Variants in ABCA9 observed in about 807,000 individuals in gnomAD.
ABCA9 encodes the protein ATP-binding cassette sub-family A member 9.
Under a neutral mutation model 205.3 loss-of-function variants are expected in ABCA9, and 183 were observed. That is an observed-to-expected ratio of 0.89 (90% CI 0.79 to 1.01). The LOEUF (loss-of-function observed/expected upper bound fraction) is 1.01. Ranked by LOEUF, ABCA9 falls within the 50% of genes least tolerant of loss-of-function variation. The pLI is 0.00. For missense variants in ABCA9, 1,805 were observed against 1,912.4 expected (o/e 0.94, Z 1.05); for synonymous variants, 651 against 683.3 (o/e 0.95, Z 0.74).
At chr17:69,070,673 G>A in the ABCA9 span, among the ~76,000 whole-genome samples, 1 of 152,160 alleles carries the variant, frequency 6.6e-6, no homozygotes, top group African/African-American at 2.4e-5. Context: ...GGCCATTTGG[G>A]CAGACACCGA....
chr17:68,993,057 C>A lies in ABCA9; in HGVS notation c.3583G>T (p.Gly1195Ter). The A allele has an allele frequency of 6.2e-7, 1 of 1,613,710 alleles. No homozygotes were observed. Among genetic ancestry groups the A allele is most frequent in the Non-Finnish European group, 8.5e-7 (1 of 1,179,796 alleles). ...EISPDSMDYL[G>*]ASESEIVYLA... Reference sequence around the variant, plus strand: ...TATACAATTTCAGATTCTGAAGCTCCTAAGTAATCCATGGAATCAGGAGAA... The same window carrying A: ...TATACAATTTCAGATTCTGAAGCTCATAAGTAATCCATGGAATCAGGAGAA... Residue 1195 changes from glycine (G) to a stop codon, truncating the protein, a stop_gained, in exon 27 of 39, where the codon GGA (glycine) becomes TGA (stop). Coordinates refer to ENST00000340001, the MANE Select transcript of ABCA9 (RefSeq NM_080283.4). LOFTEE classifies it high-confidence loss of function.
chr17:68,992,852 C>CGT (rs113669731), intron 27 of ABCA9, among the ~76,000 whole-genome samples, 164 bp downstream of exon 27: 12,031 of 148,322 alleles, frequency 0.081, 1,606 homozygotes, highest in African/African-American at 0.28. Flanking sequence ...TAAAAGCCAT[C>CGT]GTGTGTGTGT....
chr17:69,061,095 ATTTC>A, upstream of ABCA9: 7 of 985,398 alleles, frequency 7.1e-6, no homozygotes, highest in Non-Finnish European at 8.4e-6. Context: ...GCTGTTTTCC[ATTTC>A]TTTGTTTCCT....
chr17:69,041,625 A>G (rs960767353), intron 6 of ABCA9, among the ~76,000 whole-genome samples: 1 of 151,836 alleles, frequency 6.6e-6, no homozygotes, highest in Non-Finnish European at 1.5e-5. Context: ...AATCACTTGA[A>G]CCCGGGAGGG....
intron 3 of ABCA9, among the ~76,000 whole-genome samples, chr17:69,046,737 G>A (rs1469682881): frequency 6.6e-6 from 1 of 150,890 alleles, no homozygotes; most frequent in African/African-American, 2.4e-5. Flanking sequence ...AAGTATTTTG[G>A]GTTTCAATTT....
intron 3 of ABCA9, among the ~76,000 whole-genome samples, chr17:69,045,844 A>C (rs1021148859): frequency 2.0e-5 from 3 of 152,094 alleles, no homozygotes; most frequent in Non-Finnish European, 4.4e-5. Flanking sequence ...CCATAATCCA[A>C]TCACTTTCCA....
At position 69,043,484 on chromosome 17, in the gene ABCA9, T is replaced by C; in HGVS notation, c.800+5A>G. 1 of 1,566,260 alleles carries C rather than the reference T, an allele frequency of 6.4e-7. No homozygotes were observed. Among genetic ancestry groups the C allele is most frequent in the South Asian group, 1.2e-5 (1 of 83,698 alleles). ...TGTATAATGGATTGGAGTCATATGA[T>C]TTACCAGAATGCTGACTCTCGGAGT... On this transcript the variant is annotated splice_donor_5th_base_variant and intron_variant, in intron 6 of 38. Coordinates refer to ENST00000340001, the MANE Select transcript of ABCA9 (RefSeq NM_080283.4).
At chr17:69,047,413 G>T (rs1385271164) in intron 3 of ABCA9, among the ~76,000 whole-genome samples, 2 of 151,432 alleles carry the variant, frequency 1.3e-5, no homozygotes, top group Non-Finnish European at 2.9e-5. Flanking sequence ...AGTTCTGCAT[G>T]GCTGGGTGAA....
At chr17:68,978,535 G>A (rs559332145) in intron 37 of ABCA9, among the ~76,000 whole-genome samples, 14 of 152,200 alleles carry the variant, frequency 9.2e-5, no homozygotes, top group African/African-American at 2.9e-4. Context: ...TTATTTTCTC[G>A]TTAGTTGATG....
rs1354353405 is a variant in ABCA9, at chr17:69,051,080, A to C, written c.47T>G (p.Leu16Arg). The C allele has an allele frequency of 3.7e-6, 6 of 1,613,646 alleles. No individual in the cohort carries two copies. The highest frequency in any genetic ancestry group is 5.1e-6 in the Non-Finnish European group (6 of 1,179,850). The change falls in exon 2 of 39, where the codon CTC becomes CGC. Residue 16 changes from leucine (L) to arginine (R), a missense_variant. Physicochemically the swap from Leu to Arg is moderately radical, Grantham distance 102. Transcript: ENST00000340001. ...MSVGQQTWALLCKNCLKKWRM... is the reference protein window; with the variant it reads ...MSVGQQTWALRCKNCLKKWRM... ...CCATTTTTTGAGACAGTTCTTGCAG[A>C]GAAGAGCCCATGTTTGCTGACCCAC...
intron 25 of ABCA9, among the ~76,000 whole-genome samples, chr17:68,998,321 A>G (rs1300844194): frequency 6.6e-6 from 1 of 152,144 alleles, no homozygotes; most frequent in Non-Finnish European, 1.5e-5. Context: ...TTTATATTTG[A>G]TTATGTCTGA....
At chr17:69,056,787 G>A (rs531779539) in intron 1 of ABCA9, among the ~76,000 whole-genome samples, 5 of 152,200 alleles carry the variant, frequency 3.3e-5, no homozygotes, top group Admixed American at 1.3e-4. Flanking sequence ...TGAGCAGAAG[G>A]AACTAGAGTA....
chr17:69,043,582 G>A lies in ABCA9; in HGVS notation c.707C>T (p.Thr236Ile), dbSNP rs755170806. 2.5e-6 allele frequency: 4 copies of A among 1,612,238 alleles called. No homozygotes were observed. The highest frequency in any genetic ancestry group is 2.5e-6 in the Non-Finnish European group (3 of 1,178,988). The change falls in exon 6 of 39, where the codon ACA (threonine) becomes ATA (isoleucine). Residue 236 changes from threonine (T) to isoleucine (I), a missense_variant. Coordinates refer to ENST00000340001, the MANE Select transcript of ABCA9 (RefSeq NM_080283.4). Reference sequence around the variant, plus strand: ...ATTGACTGATACATAGTATATAAATGTAGAAAAAGAAATAATGCAAAAGAA... The same window carrying A: ...ATTGACTGATACATAGTATATAAATATAGAAAAAGAAATAATGCAAAAGAA... ...FIFFCIISFSTFIYYVSVNVT... is the reference protein window; with the variant it reads ...FIFFCIISFSIFIYYVSVNVT...
chr17:69,044,702 T>A, intron 4 of ABCA9, 102 bp from the exon 5 acceptor site: 1 of 964,876 alleles, frequency 1.0e-6, no homozygotes, highest in Non-Finnish European at 1.5e-6. Context: ...CATGATAATA[T>A]AGTGGATGGT....
chr17:69,016,758 G>A (rs754262785), intron 21 of ABCA9, among the ~76,000 whole-genome samples: 3 of 152,018 alleles, frequency 2.0e-5, no homozygotes, highest in Non-Finnish European at 4.4e-5. Context: ...TATAATGTTT[G>A]GATACTTGAG....
chr17:69,007,697 A>T (rs890464071), intron 25 of ABCA9, 62 bp downstream of exon 25: 1 of 1,107,324 alleles, frequency 9.0e-7, no homozygotes, highest in African/African-American at 1.6e-5. Context: ...TAGCACAAAG[A>T]TTAAACATGT....
chr17:69,074,628 A>G, the ABCA9 span, among the ~76,000 whole-genome samples: 4 of 149,432 alleles, frequency 2.7e-5, no homozygotes, highest in African/African-American at 1.0e-4. Flanking sequence ...GTATATATGT[A>G]CTACATTTCC....
At chr17:68,978,943 C>T (rs975369626) in intron 37 of ABCA9, among the ~76,000 whole-genome samples, 2 of 151,914 alleles carry the variant, frequency 1.3e-5, no homozygotes, top group Non-Finnish European at 2.9e-5. Context: ...CCAGGGCAAT[C>T]AGGCAGGAGA....
At chr17:69,020,844 C>A in intron 18 of ABCA9, 1 of 350,140 alleles carries the variant, frequency 2.9e-6, no homozygotes, top group African/African-American at 2.1e-5. Flanking sequence ...TTTATTTATT[C>A]TAAGGAAATC....
Sources: gnomAD v4.1 joint callset for allele counts (sites outside exome capture counted in the v4.1 genomes callset) on GRCh38, gnomAD v4.1.1 for gene constraint, MANE v1.5 for transcripts, NCBI Gene and HGNC (gene_info 2026-07-23, HGNC 2026-07-21) for gene names.